AIF1L: variants seen among roughly 807,000 people sequenced by gnomAD.
AIF1L encodes allograft inflammatory factor 1-like.
Under a neutral mutation model 20.7 loss-of-function variants are expected in AIF1L, and 12 were observed. The observed-to-expected ratio is 0.58, with a 90% CI of 0.37 to 0.94. AIF1L has a LOEUF of 0.94. AIF1L is among the 40% of genes least tolerant of loss of function. The pLI is 0.01. For synonymous variants in AIF1L, 76 were observed against 65.1 expected (o/e 1.17, Z -0.81); for missense variants, 173 against 185.3 (o/e 0.93, Z 0.39).
Position 131,111,636 on chromosome 9 carries a change from C to A in AIF1L, c.133C>A (p.Leu45Ile). Residue 45 changes from leucine (L) to isoleucine (I), a missense_variant, in exon 3 of 6, where the codon CTT becomes ATT. Physicochemically the swap from Leu to Ile is conservative, Grantham distance 5. Coordinates refer to ENST00000247291, the MANE Select transcript of AIF1L (RefSeq NM_031426.4). ...CDQKYSDEEN[L>I]PEKLTAFKEK... The stretch of plus-strand genomic sequence containing the variant: ...CCAGAAGTACAGTGATGAAGAGAAC[C>A]TTCCAGAAAAGCTCACAGCCTTCAA... 1.2e-6 allele frequency: 2 copies of A among 1,614,076 alleles called. No homozygotes were observed. Among genetic ancestry groups the A allele is most frequent in the African/African-American group, 2.7e-5 (2 of 75,054 alleles).
At chr9:131,110,136 C>T (rs4740218) in intron 2 of AIF1L, among the ~76,000 whole-genome samples, 32,313 of 152,084 alleles carry the variant, frequency 0.21, 3,658 homozygotes, top group East Asian at 0.33. Flanking sequence ...CACTTGAGAT[C>T]GGGAGGCGGA....
chr9:131,101,551 C>T (rs1460738110), intron 2 of AIF1L, among the ~76,000 whole-genome samples: 1 of 151,698 alleles, frequency 6.6e-6, no homozygotes, highest in African/African-American at 2.4e-5. Flanking sequence ...CACCATGTTG[C>T]CCAGGCTGGT....
At position 131,114,451 on chromosome 9, in the gene AIF1L, T is replaced by C. The variant is rs1289616446; in HGVS notation, c.161-126T>C. ...GATGGGGGACTCAGGTCAAGACCCTTGGTAGGGTGCGGGAGGTGGTTCAGA... is the reference window on the plus strand; with the variant it reads ...GATGGGGGACTCAGGTCAAGACCCTCGGTAGGGTGCGGGAGGTGGTTCAGA... On this transcript the variant is annotated intron_variant, in intron 3 of 5. Transcript: ENST00000247291. The C allele has an allele frequency of 5.8e-6, 6 of 1,033,464 alleles. No individual in the cohort carries two copies. The Admixed American group carries it at 8.8e-5, about 15-fold the overall frequency. 64.0% of individuals were successfully genotyped at this position (1,033,464 alleles called of 1,614,324 possible).
At chr9:131,107,347 C>G (rs1588182596) in intron 2 of AIF1L, among the ~76,000 whole-genome samples, 1 of 152,182 alleles carries the variant, frequency 6.6e-6, no homozygotes, top group Non-Finnish European at 1.5e-5. Flanking sequence ...CATGTCCTTC[C>G]ACTTGCACCC....
chr9:131,120,704 G>A lies in AIF1L; in HGVS notation c.*382G>A. The stretch of plus-strand genomic sequence containing the variant: ...AGCCAAGTTCAGGCTCACTGACCTG[G>A]CTCTGACGAGGACCCCAGGCCACTC... On this transcript the variant is annotated 3_prime_UTR_variant, in exon 6 of 6. Transcript: ENST00000247291. The A allele has an allele frequency of 3.3e-6, 1 of 298,512 alleles. No individual in the cohort carries two copies. The highest frequency in any genetic ancestry group is 6.2e-6 in the Non-Finnish European group (1 of 161,994). 18.5% of individuals were successfully genotyped at this position (298,512 alleles called of 1,614,324 possible).
intron 2 of AIF1L, among the ~76,000 whole-genome samples, chr9:131,099,233 A>G (rs1830588277): frequency 6.6e-6 from 1 of 152,182 alleles, no homozygotes; most frequent in South Asian, 2.1e-4. Flanking sequence ...GCCCTGGCTC[A>G]TGCTGGTTGC....
Position 131,119,563 on chromosome 9 carries a change from A to G in AIF1L, c.366-672A>G, listed in dbSNP as rs1831092032. 1.3e-5 allele frequency among the ~76,000 whole-genome samples: 2 copies of G among 152,136 alleles called. 1 individual carries two copies. Among genetic ancestry groups the G allele is most frequent in the South Asian group, 4.1e-4 (2 of 4,824 alleles). On this transcript the variant is annotated intron_variant, in intron 5 of 5. Coordinates refer to ENST00000247291, the MANE Select transcript of AIF1L (RefSeq NM_031426.4). ...ACACTTACTTGGCTTTTATGAAATA[A>G]GATTCACTTTTTTAAAGTACGAATG...
rs750415429 is a variant in AIF1L at position 131,117,953 on chromosome 9, G to A, written c.365+35G>A. On this transcript the variant is annotated intron_variant, in intron 5 of 5. Transcript: ENST00000247291. ...TCCTTCCTCCCTTGGGATCTCTGAA[G>A]GCAAAATCATTCTGTGCAGAGAGGC... The A allele has an allele frequency of 2.5e-6, 4 of 1,578,094 alleles. No individual in the cohort carries two copies. In the East Asian group the frequency reaches 6.8e-5, roughly 27 times the overall value.
intron 4 of AIF1L, among the ~76,000 whole-genome samples, chr9:131,117,190 C>T (rs1386789837): frequency 1.3e-5 from 2 of 152,204 alleles, no homozygotes; most frequent in Non-Finnish European, 2.9e-5. Context: ...CCTCTCCCTT[C>T]CAGCCGGGGC....
chr9:131,121,420 G>A lies in AIF1L; in HGVS notation c.*1098G>A. The A allele has an allele frequency of 3.1e-6, 1 of 317,486 alleles. No individual in the cohort carries two copies. Among genetic ancestry groups the A allele is most frequent in the Non-Finnish European group, 5.8e-6 (1 of 173,390 alleles). 19.7% of individuals were successfully genotyped at this position (317,486 alleles called of 1,614,324 possible). ...AGATCTCTCAGAACCTTGAGCTTGGGAATTGAACTGGGGTCACCTGTGTCC... is the reference window on the plus strand; with the variant it reads ...AGATCTCTCAGAACCTTGAGCTTGGAAATTGAACTGGGGTCACCTGTGTCC... On this transcript the variant is annotated 3_prime_UTR_variant, in exon 6 of 6. Coordinates refer to ENST00000247291, the MANE Select transcript of AIF1L (RefSeq NM_031426.4).
At position 131,111,681 on chromosome 9, in the gene AIF1L, G is replaced by A; in HGVS notation, c.160+18G>A. 1 of 1,612,370 alleles carries A rather than the reference G, an allele frequency of 6.2e-7. No individual in the cohort carries two copies. Among genetic ancestry groups the A allele is most frequent in the Non-Finnish European group, 8.5e-7 (1 of 1,178,750 alleles). On this transcript the variant is annotated intron_variant, in intron 3 of 5. Transcript: ENST00000247291. Reference sequence around the variant, plus strand: ...CTTCAAAGGTAAGCTGGGGCGGGCTGCCCTGCATTTATTCCTGGGGGAGGT... The same window carrying A: ...CTTCAAAGGTAAGCTGGGGCGGGCTACCCTGCATTTATTCCTGGGGGAGGT...
rs1830889703 is a variant in AIF1L, at chr9:131,111,668, G to C, written c.160+5G>C. Reference sequence around the variant, plus strand: ...AAAAGCTCACAGCCTTCAAAGGTAAGCTGGGGCGGGCTGCCCTGCATTTAT... The same window carrying C: ...AAAAGCTCACAGCCTTCAAAGGTAACCTGGGGCGGGCTGCCCTGCATTTAT... On this transcript the variant is annotated splice_donor_5th_base_variant and intron_variant, in intron 3 of 5. Coordinates refer to ENST00000247291, the MANE Select transcript of AIF1L (RefSeq NM_031426.4). The C allele has an allele frequency of 1.2e-6, 2 of 1,613,648 alleles. No individual in the cohort carries two copies. Among genetic ancestry groups the C allele is most frequent in the Non-Finnish European group, 1.7e-6 (2 of 1,179,800 alleles).
intron 2 of AIF1L, among the ~76,000 whole-genome samples, chr9:131,101,164 G>A (rs1390760348): frequency 6.6e-6 from 1 of 152,126 alleles, no homozygotes; most frequent in African/African-American, 2.4e-5. Context: ...CCAAAGTGCT[G>A]GGATTACAGG....
intron 2 of AIF1L, among the ~76,000 whole-genome samples, chr9:131,106,430 A>AGCT (rs1410007562): frequency 2.0e-5 from 3 of 152,192 alleles, no homozygotes; most frequent in African/African-American, 7.2e-5. Context: ...CATCCTAAGG[A>AGCT]GCTGGATAAG....
At chr9:131,106,865 G>A (rs1830763225) in intron 2 of AIF1L, among the ~76,000 whole-genome samples, 1 of 152,206 alleles carries the variant, frequency 6.6e-6, no homozygotes. Flanking sequence ...GGAGGCCGAG[G>A]CAGTCGGATC....
intron 2 of AIF1L, among the ~76,000 whole-genome samples, chr9:131,097,994 C>A (rs767161044): frequency 2.0e-5 from 3 of 152,244 alleles, no homozygotes; most frequent in African/African-American, 7.2e-5. Context: ...CCCCTGGACA[C>A]CCAGGGTCTA....
At chr9:131,116,270 C>A (rs1429827628) in intron 4 of AIF1L, among the ~76,000 whole-genome samples, 1 of 152,022 alleles carries the variant, frequency 6.6e-6, no homozygotes, top group Non-Finnish European at 1.5e-5. Context: ...ATTGATTTTT[C>A]TTTCTTTTTT....
intron 5 of AIF1L, among the ~76,000 whole-genome samples, chr9:131,119,770 G>C (rs1002308781): frequency 6.6e-6 from 1 of 152,172 alleles, no homozygotes; most frequent in Non-Finnish European, 1.5e-5. Flanking sequence ...AAGTAGCAGG[G>C]CTGGCATTTG....
chr9:131,096,551 C>G lies in AIF1L; in HGVS notation c.-79C>G, dbSNP rs1373382250. Reference sequence around the variant, plus strand: ...CGGCCACACGCAGCTAGCCGGAGCCCGGACCAGGCGCCTGTGCCTCCTCCT... The same window carrying G: ...CGGCCACACGCAGCTAGCCGGAGCCGGGACCAGGCGCCTGTGCCTCCTCCT... On this transcript the variant is annotated 5_prime_UTR_variant, in exon 1 of 6. Coordinates refer to ENST00000247291, the MANE Select transcript of AIF1L (RefSeq NM_031426.4). 2.0e-5 allele frequency: 29 copies of G among 1,459,518 alleles called. No homozygotes were observed. Among genetic ancestry groups the G allele is most frequent in the Middle Eastern group, 2.4e-4 (1 of 4,172 alleles). 90.4% of individuals were successfully genotyped at this position (1,459,518 alleles called of 1,614,324 possible). A position where few individuals can be genotyped will look rare whatever the true frequency, so the allele number is the denominator to read the frequency against.
Sources: allele counts gnomAD v4.1 joint callset (sites outside exome capture counted in the v4.1 genomes callset), GRCh38; gene constraint gnomAD v4.1.1; transcripts MANE v1.5; gene names NCBI Gene and HGNC (gene_info 2026-07-23, HGNC 2026-07-21).